Variants in SEMA6D observed in about 807,000 individuals in gnomAD.
SEMA6D encodes the protein semaphorin-6D.
Under a neutral mutation model 106.6 loss-of-function variants are expected in SEMA6D, and 35 were observed. That is an observed-to-expected ratio of 0.33 (90% CI 0.25 to 0.44). SEMA6D has a LOEUF of 0.44. Among genes scored for constraint, SEMA6D ranks in the 20% least tolerant of loss-of-function variants. The probability of loss-of-function intolerance (pLI) is 1.00; values close to 1 mark genes in which losing one functional copy is unlikely to be tolerated. For missense variants in SEMA6D, 1,185 were observed against 1,345.9 expected, an observed-to-expected ratio of 0.88 and a Z score of 1.87; for synonymous variants, 499 against 487.7, an observed-to-expected ratio of 1.02 and a Z score of -0.31.
intron 1 of SEMA6D, among the ~76,000 whole-genome samples, chr15:47,394,505 G>A (rs538260626): frequency 6.6e-6 from 1 of 152,238 alleles, no homozygotes; most frequent in African/African-American, 2.4e-5. Context: ...CATGTGCAAA[G>A]GAAGACTTGA....
chr15:47,221,042 A>C (rs1386597013), intron 1 of SEMA6D, among the ~76,000 whole-genome samples: 1 of 152,158 alleles, frequency 6.6e-6, no homozygotes, highest in Non-Finnish European at 1.5e-5. Flanking sequence ...TTCCCACACT[A>C]ATCCTGAGAT....
chr15:47,763,760 AT>A (rs144767836), intron 9 of SEMA6D, 89 bp from the exon 10 acceptor site: 1 of 1,131,866 alleles, frequency 8.8e-7, no homozygotes, highest in Non-Finnish European at 1.3e-6. Flanking sequence ...TATCTTTAGT[AT>A]TTTTTGTCCC....
intron 4 of SEMA6D, among the ~76,000 whole-genome samples, chr15:47,624,263 G>A (rs979738293): frequency 6.6e-6 from 1 of 152,104 alleles, no homozygotes; most frequent in Admixed American, 6.5e-5. Context: ...GTTAGGAGCC[G>A]TACTTGCATG....
chr15:47,611,148 TACACACACACACACACAC>T (rs71432248), intron 4 of SEMA6D, among the ~76,000 whole-genome samples: 13 of 141,562 alleles, frequency 9.2e-5, no homozygotes, highest in African/African-American at 2.3e-4. Context: ...CCGTCCTACA[TACACACACACACACACAC>T]ACACACACAC....
intron 1 of SEMA6D, among the ~76,000 whole-genome samples, chr15:47,381,427 C>A (rs954331714): frequency 1.7e-4 from 26 of 152,300 alleles, no homozygotes; most frequent in South Asian, 1.5e-3. Context: ...CCACATCAGT[C>A]TCTGGAGTGA....
intron 2 of SEMA6D, among the ~76,000 whole-genome samples, chr15:47,469,717 C>T (rs543406937): frequency 6.6e-6 from 1 of 152,114 alleles, no homozygotes; most frequent in African/African-American, 2.4e-5. Context: ...CATTTAGCTT[C>T]CAATCTCCCA....
intron 3 of SEMA6D, among the ~76,000 whole-genome samples, chr15:47,566,988 GC>G (rs1282331097): frequency 6.6e-6 from 1 of 152,160 alleles, no homozygotes; most frequent in Non-Finnish European, 1.5e-5. Flanking sequence ...GAAAATATCA[GC>G]CTCTCTTTAC....
chr15:47,340,396 T>C (rs1360563728), intron 1 of SEMA6D, among the ~76,000 whole-genome samples: 2 of 151,770 alleles, frequency 1.3e-5, no homozygotes, highest in Non-Finnish European at 1.5e-5. Context: ...GAATGTGCAG[T>C]TGGAATGCTA....
intron 2 of SEMA6D, among the ~76,000 whole-genome samples, chr15:47,468,504 A>G (rs2042729677): frequency 6.6e-6 from 1 of 152,188 alleles, no homozygotes; most frequent in Admixed American, 6.5e-5. Flanking sequence ...ATGGTCAGCC[A>G]TGGTGGCTAA....
intron 4 of SEMA6D, among the ~76,000 whole-genome samples, chr15:47,609,981 G>A (rs1340867177): frequency 3.9e-5 from 6 of 152,134 alleles, no homozygotes; most frequent in African/African-American, 9.7e-5. Context: ...CTTCCTGCTC[G>A]ATCCAGCCTG....
intron 1 of SEMA6D, among the ~76,000 whole-genome samples, chr15:47,306,204 C>T (rs981745163): frequency 2.6e-4 from 40 of 151,692 alleles, no homozygotes; most frequent in African/African-American, 9.4e-4. Flanking sequence ...AGGATGGTCT[C>T]GATGTCTTGA....
chr15:47,508,136 C>G (rs1446561138), intron 3 of SEMA6D, among the ~76,000 whole-genome samples: 1 of 152,194 alleles, frequency 6.6e-6, no homozygotes. Context: ...AGGTACCCGC[C>G]TCAGGACCAA....
chr15:47,202,113 G>A (rs1293314536), intron 1 of SEMA6D, among the ~76,000 whole-genome samples: 4 of 152,006 alleles, frequency 2.6e-5, no homozygotes, highest in African/African-American at 7.2e-5. Flanking sequence ...GAGAACTTCC[G>A]ATATCATTAT....
At chr15:47,308,014 T>A (rs1244611933) in intron 1 of SEMA6D, among the ~76,000 whole-genome samples, 1 of 148,652 alleles carries the variant, frequency 6.7e-6, no homozygotes, top group Non-Finnish European at 1.5e-5. Flanking sequence ...CTGCAAAAAT[T>A]TCAGAATTTG....
rs111988652 is a variant in SEMA6D, at chr15:47,449,995, C to A, written c.-158-20479C>A. Among the ~76,000 whole-genome samples, 1,315 of 152,078 alleles carry A rather than the reference C, an allele frequency of 8.6e-3. 20 individuals carry two copies. Among genetic ancestry groups the A allele is most frequent in the African/African-American group, 0.03 (1,252 of 41,482 alleles). On this transcript the variant is annotated intron_variant, in intron 2 of 19. Coordinates refer to the SEMA6D transcript ENST00000558014. Reference sequence around the variant, plus strand: ...CATCTCGACTTCCACAACTGTGATCCTAGTGAGAGTTATTTTAAGAAGCGG... The same window carrying A: ...CATCTCGACTTCCACAACTGTGATCATAGTGAGAGTTATTTTAAGAAGCGG...
chr15:47,757,917 A>G (rs1039354235), intron 1 of SEMA6D, among the ~76,000 whole-genome samples: 1 of 152,154 alleles, frequency 6.6e-6, no homozygotes, highest in Non-Finnish European at 1.5e-5. Flanking sequence ...AGGTGCTATT[A>G]TCCATATTTT....
intron 1 of SEMA6D, among the ~76,000 whole-genome samples, chr15:47,291,431 G>T (rs1168486274): frequency 6.6e-6 from 1 of 152,140 alleles, no homozygotes; most frequent in African/African-American, 2.4e-5. Context: ...TCCAGCACTG[G>T]ACTCTCACCT....
intron 1 of SEMA6D, among the ~76,000 whole-genome samples, chr15:47,370,953 T>C (rs990994039): frequency 1.3e-5 from 2 of 152,202 alleles, no homozygotes; most frequent in African/African-American, 4.8e-5. Flanking sequence ...GGGAATGATG[T>C]AGTTCAGGGT....
At chr15:47,487,114 C>G (rs1378963597) in intron 3 of SEMA6D, among the ~76,000 whole-genome samples, 2 of 152,138 alleles carry the variant, frequency 1.3e-5, no homozygotes, top group African/African-American at 4.8e-5. Flanking sequence ...TTAATACATT[C>G]TTTTCGTAAA....
Sources: gnomAD v4.1 joint callset for allele counts (sites outside exome capture counted in the v4.1 genomes callset) on GRCh38, gnomAD v4.1.1 for gene constraint, MANE v1.5 for transcripts, NCBI Gene and HGNC (gene_info 2026-07-23, HGNC 2026-07-21) for gene names.